Variants in FAN1 observed in about 807,000 individuals in gnomAD.
FAN1 encodes the protein fanconi-associated nuclease 1.
In FAN1, 91 loss-of-function variants were observed where a neutral mutation model predicts 104.9. The observed-to-expected ratio is 0.87, with a 90% CI of 0.73 to 1.03. FAN1 has a LOEUF of 1.03. FAN1 is among the 50% of genes least tolerant of loss of function. The pLI is 0.00. For synonymous variants in FAN1, 478 were observed against 457.6 expected, an observed-to-expected ratio of 1.04 and a Z score of -0.57; for missense variants, 1,263 against 1,239.9, an observed-to-expected ratio of 1.02 and a Z score of -0.28.
intron 12 of FAN1, among the ~76,000 whole-genome samples, chr15:30,929,766 A>T (rs1237149521): frequency 1.5e-4 from 6 of 40,276 alleles, no homozygotes; most frequent in African/African-American, 6.1e-4. Context: ...TAATATATAA[A>T]ATATATAATA....
chr15:30,942,776 C>A lies in FAN1; in HGVS notation c.*1214C>A. ...AAAAAGGGAATGACCCCTCAGAAAC[C>A]CGCATTAGCAGTGTTACTCTTGGAA... is the stretch of plus-strand genomic sequence containing the variant. On this transcript the variant is annotated 3_prime_UTR_variant, in exon 15 of 15. Coordinates refer to ENST00000362065, the MANE Select transcript of FAN1 (RefSeq NM_014967.5). 9.2e-7 allele frequency: 1 copy of A among 1,083,716 alleles called. No homozygotes were observed. Among genetic ancestry groups the A allele is most frequent in the Non-Finnish European group, 1.3e-6 (1 of 781,696 alleles). The allele number at this position is 1,083,716 out of a possible 1,614,324, so 67.1% of individuals were successfully genotyped here. A position where few individuals can be genotyped will look rare whatever the true frequency, so the allele number is the denominator to read the frequency against.
At position 30,929,275 on chromosome 15, in the gene FAN1, C is replaced by T; in HGVS notation, c.2665C>T (p.Leu889=). 6.2e-7 allele frequency: 1 copy of T among 1,613,598 alleles called. No homozygotes were observed. Among genetic ancestry groups the T allele is most frequent in the Non-Finnish European group, 8.5e-7 (1 of 1,179,842 alleles). The stretch of plus-strand genomic sequence containing the variant: ...CCCAGCCCTTGAGGCCAGGCTGCAG[C>T]TGATTCATGATGCCCCCGAGGAGAG... ...RRPALEARLQ[L]IHDAPEESLR... is the part of the protein sequence containing the mutation. Residue 889 remains leucine, a synonymous_variant, in exon 12 of 15, where the codon CTG becomes TTG. Transcript: ENST00000362065.
chr15:30,929,832 A>AAAATATATAATATATATCAT lies in FAN1; in HGVS notation c.2787+436_2787+437insAATATATAATATATATCATA, dbSNP rs1555403212. 1.7e-4 allele frequency among the ~76,000 whole-genome samples: 11 copies of AAAATATATAATATATATCAT among 65,482 alleles called. 1 individual carries two copies. Among genetic ancestry groups the AAAATATATAATATATATCAT allele is most frequent in the African/African-American group, 8.5e-4 (10 of 11,720 alleles). 43.0% of individuals were successfully genotyped at this position (65,482 alleles called of 152,430 possible). A position where few individuals can be genotyped will look rare whatever the true frequency, so the allele number is the denominator to read the frequency against. On this transcript the variant is annotated intron_variant, in intron 12 of 14. Coordinates refer to ENST00000362065, the MANE Select transcript of FAN1 (RefSeq NM_014967.5). ...ATATATAATATATTATATCATATAT[A>AAAATATATAATATATATCAT]ATATAATATATAAAATATATATCAT...
Position 30,905,502 on chromosome 15 carries a change from A to C in FAN1, c.839A>C (p.Glu280Ala). The C allele has an allele frequency of 6.2e-7, 1 of 1,614,086 alleles. No individual in the cohort carries two copies. The highest frequency in any genetic ancestry group is 1.7e-5 in the Admixed American group (1 of 60,022). The change falls in exon 2 of 15, where the codon GAA (glutamate) becomes GCA (alanine). Residue 280 changes from glutamate (E) to alanine (A), a missense_variant. Transcript: ENST00000362065. ...TLRNTLKSTS[E>A]DSLVKQECIK... ...AGGAATACATTAAAGTCTACTTCAG[A>C]AGACAGTCTTGTAAAGCAAGAGTGT... is the stretch of plus-strand genomic sequence containing the variant.
chr15:30,925,653 G>A (rs2062442354), intron 9 of FAN1, 136 bp from the exon 10 acceptor site: 1 of 1,003,926 alleles, frequency 1.0e-6, no homozygotes, highest in African/African-American at 1.6e-5. Flanking sequence ...TTCTGCGTGT[G>A]TGAGCCCCAC....
chr15:30,918,977 G>A (rs1366344522), intron 6 of FAN1, among the ~76,000 whole-genome samples: 2 of 152,118 alleles, frequency 1.3e-5, no homozygotes, highest in African/African-American at 4.8e-5. Flanking sequence ...ACTGTTGACT[G>A]GAAGCCCTAC....
At position 30,941,828 on chromosome 15, in the gene FAN1, A is replaced by C; in HGVS notation, c.*266A>C. ...CTCGGGAACCCAGCGGAAGTAGCAC[A>C]GTTTCCACAGTTTTATGTGTGTTCC... On this transcript the variant is annotated 3_prime_UTR_variant, in exon 15 of 15. Transcript: ENST00000362065. The C allele has an allele frequency of 6.2e-7, 1 of 1,614,060 alleles. No homozygotes were observed. Among genetic ancestry groups the C allele is most frequent in the Non-Finnish European group, 8.5e-7 (1 of 1,179,898 alleles).
At position 30,904,999 on chromosome 15, in the gene FAN1, C is replaced by T. The variant is rs1223961435; in HGVS notation, c.336C>T (p.Gly112=). 2 of 1,613,940 alleles carry T rather than the reference C, an allele frequency of 1.2e-6. No individual in the cohort carries two copies. Among genetic ancestry groups the T allele is most frequent in the East Asian group, 4.5e-5 (2 of 44,882 alleles). The part of the protein sequence containing the change: ...SPPPKTNLTP[G]QSDSAKREVK... ...CACCAAAGACAAATTTAACCCCTGGCCAAAGTGATTCAGCAAAAAGGGAAG... is the reference window on the plus strand; with the variant it reads ...CACCAAAGACAAATTTAACCCCTGGTCAAAGTGATTCAGCAAAAAGGGAAG... Residue 112 remains glycine (G), a synonymous_variant, in exon 2 of 15, where the codon GGC becomes GGT. Transcript: ENST00000362065.
rs2062306533 is a variant in FAN1 at position 30,920,649 on chromosome 15, A to G, written c.2048A>G (p.Tyr683Cys). Reference sequence around the variant, plus strand: ...GAAATACTGCAGAGACTTCACATGTATGAGGTTAGAGCACAGGTCCCTGCC... The same window carrying G: ...GAAATACTGCAGAGACTTCACATGTGTGAGGTTAGAGCACAGGTCCCTGCC... ...FVEILQRLHM[Y>C]EEAVRELESL... The change falls in exon 7 of 15, where the codon TAT (tyrosine) becomes TGT (cysteine). Residue 683 changes from tyrosine (Y) to cysteine (C), a missense_variant. Transcript: ENST00000362065. The G allele has an allele frequency of 1.3e-6, 2 of 1,589,296 alleles. No homozygotes were observed. Among genetic ancestry groups the G allele is most frequent in the Non-Finnish European group, 8.6e-7 (1 of 1,159,316 alleles).
intron 14 of FAN1, chr15:30,941,358 CTAT>C (rs1275554881): frequency 2.0e-6 from 3 of 1,536,836 alleles, no homozygotes; most frequent in Admixed American, 4.0e-5. Flanking sequence ...CAAATTCCAA[CTAT>C]TATTCTTACA....
At chr15:30,928,479 T>G (rs1001814644) in intron 10 of FAN1, 74 bp from the exon 11 acceptor site, 12 of 1,578,246 alleles carry the variant, frequency 7.6e-6, no homozygotes, top group South Asian at 1.2e-5. Context: ...TATGGTGGTG[T>G]TTTGGAAGAA....
intron 14 of FAN1, chr15:30,939,655 T>TTAAAG: frequency 5.4e-6 from 5 of 920,862 alleles, no homozygotes; most frequent in Non-Finnish European, 6.5e-6. Context: ...ACTACAAGAG[T>TTAAAG]TAAAATAAAC....
rs767021354 is a variant in FAN1, at chr15:30,913,885, A to T, written c.1605A>T (p.Val535=). ...KRAKALAGQS[V]RICKGPRAVF... ...CCAAAGCCTTGGCTGGACAGTCAGT[A>T]CGAATCTGTAAAGGCCCCAGGGCTG... Residue 535 remains valine (V), a synonymous_variant, in exon 5 of 15, where the codon GTA becomes GTT. Coordinates refer to ENST00000362065, the MANE Select transcript of FAN1 (RefSeq NM_014967.5). 9.3e-6 allele frequency: 15 copies of T among 1,613,886 alleles called. No homozygotes were observed. In the East Asian group the frequency reaches 3.3e-4, roughly 36 times the overall value.
chr15:30,912,572 C>G (rs1162240661), intron 4 of FAN1, among the ~76,000 whole-genome samples: 2 of 152,180 alleles, frequency 1.3e-5, no homozygotes, highest in Non-Finnish European at 2.9e-5. Context: ...CCCACCCCTT[C>G]CCCTTCAACT....
chr15:30,929,043 T>A (rs768888219), intron 11 of FAN1, among the ~76,000 whole-genome samples, 160 bp from the exon 12 acceptor site: 1 of 152,188 alleles, frequency 6.6e-6, no homozygotes, highest in African/African-American at 2.4e-5. Flanking sequence ...AAAAAACAAG[T>A]TTAATAAATT....
chr15:30,919,378 CAAA>C (rs34395788), intron 6 of FAN1, among the ~76,000 whole-genome samples: 12 of 75,106 alleles, frequency 1.6e-4, no homozygotes, highest in Admixed American at 4.7e-4. Context: ...AACTCCGTCT[CAAA>C]AAAAAAAAAA....
chr15:30,940,078 A>T (rs1279170285), intron 14 of FAN1: 6 of 983,208 alleles, frequency 6.1e-6, no homozygotes, highest in African/African-American at 1.7e-5. Flanking sequence ...AAAGGAAATA[A>T]GCTAACTAGA....
intron 12 of FAN1, among the ~76,000 whole-genome samples, chr15:30,930,076 CT>C (rs947294009): frequency 3.7e-4 from 55 of 147,342 alleles, no homozygotes; most frequent in Non-Finnish European, 1.9e-4. Flanking sequence ...CCCTATCCCC[CT>C]GGCCCCAATG....
rs2061943372 is a variant in FAN1, at chr15:30,905,072, A to G, written c.409A>G (p.Lys137Glu). 2 of 1,613,968 alleles carry G rather than the reference A, an allele frequency of 1.2e-6. No individual in the cohort carries two copies. The highest frequency in any genetic ancestry group is 2.2e-5 in the South Asian group (2 of 91,088). Residue 137 changes from lysine (K) to glutamate (E), a missense_variant, in exon 2 of 15, where the codon AAA becomes GAA. By Grantham distance (56) the Lys-to-Glu change is moderately conservative (BLOSUM62 1). This residue lies in a region of FAN1 where 682 missense variants were observed against 571.1 expected (regional missense o/e 1.19). Transcript: ENST00000362065. ...PYFKSNDVVCKNQDELRNRSV... is the reference protein window; with the variant it reads ...PYFKSNDVVCENQDELRNRSV... Reference sequence around the variant, plus strand: ...CTTTAAAAGTAATGATGTGGTGTGCAAAAATCAAGATGAGCTGAGAAATCG... The same window carrying G: ...CTTTAAAAGTAATGATGTGGTGTGCGAAAATCAAGATGAGCTGAGAAATCG...
Sources: allele counts gnomAD v4.1 joint callset (sites outside exome capture counted in the v4.1 genomes callset), GRCh38; gene constraint gnomAD v4.1.1; regional missense constraint gnomAD v4.1.1; transcripts MANE v1.5; gene names NCBI Gene and HGNC (gene_info 2026-07-23, HGNC 2026-07-21).